The following MAP2 variants were observed in gnomAD, a reference collection of about 807,000 sequenced individuals.
MAP2 encodes microtubule-associated protein 2.
In MAP2, 14 loss-of-function variants were observed where a neutral mutation model predicts 137.6. The ratio of observed to expected loss-of-function variants is 0.10; its 90% CI spans 0.07 to 0.16. The LOEUF is 0.16. MAP2 is among the 10% of genes least tolerant of loss of function. The pLI, the probability that MAP2 is intolerant of heterozygous loss-of-function variation, is 1.00. For synonymous variants in MAP2, 786 were observed against 782.3 expected, an observed-to-expected ratio of 1.00 and a Z score of -0.08; for missense variants, 2,088 against 2,191.5, an observed-to-expected ratio of 0.95 and a Z score of 0.94.
intron 3 of MAP2, among the ~76,000 whole-genome samples, chr2:209,590,658 A>G (rs1343224250): frequency 6.6e-6 from 1 of 152,322 alleles, no homozygotes. Flanking sequence ...AATTTTAAAA[A>G]TTGAAAGTTG....
intron 4 of MAP2, among the ~76,000 whole-genome samples, chr2:209,641,891 G>A (rs1255191251): frequency 6.6e-6 from 1 of 152,048 alleles, no homozygotes; most frequent in African/African-American, 2.4e-5. Context: ...GTTTCATATG[G>A]TAGGTTGTTA....
chr2:209,435,930 T>A (rs1297901565), intron 1 of MAP2, among the ~76,000 whole-genome samples: 1 of 75,960 alleles, frequency 1.3e-5, no homozygotes, highest in African/African-American at 3.3e-5. Context: ...ATATATATAT[T>A]ATATATATAA....
chr2:209,692,356 GA>G (rs1016346887), intron 7 of MAP2, among the ~76,000 whole-genome samples: 2 of 135,232 alleles, frequency 1.5e-5, no homozygotes, highest in Non-Finnish European at 1.6e-5. Flanking sequence ...AAAAAACAAA[GA>G]AAAAAAGAGA....
At chr2:209,714,330 T>C (rs866341754) in intron 13 of MAP2, among the ~76,000 whole-genome samples, 4 of 151,794 alleles carry the variant, frequency 2.6e-5, no homozygotes, top group Middle Eastern at 3.4e-3. Context: ...GATAGTCAGT[T>C]AGAGCATAAT....
chr2:209,427,000 T>C (rs907258389), intron 1 of MAP2, among the ~76,000 whole-genome samples: 2 of 152,250 alleles, frequency 1.3e-5, no homozygotes, highest in Non-Finnish European at 2.9e-5. Flanking sequence ...CTGGACATGC[T>C]ATTAACAAAT....
At chr2:209,663,399 G>A (rs986079441) in intron 5 of MAP2, among the ~76,000 whole-genome samples, 4 of 152,232 alleles carry the variant, frequency 2.6e-5, no homozygotes, top group African/African-American at 9.6e-5. Flanking sequence ...GTGTCCTGCC[G>A]GCTCACTGTG....
chr2:209,459,900 A>G (rs915501125), intron 1 of MAP2, among the ~76,000 whole-genome samples: 1 of 152,136 alleles, frequency 6.6e-6, no homozygotes, highest in Non-Finnish European at 1.5e-5. Context: ...TCTCAGGCCC[A>G]TGGAGAGTCT....
intron 4 of MAP2, among the ~76,000 whole-genome samples, chr2:209,649,272 C>T (rs868365190): frequency 1.3e-5 from 2 of 152,108 alleles, no homozygotes; most frequent in South Asian, 2.1e-4. Flanking sequence ...CCACCTCGAC[C>T]TCCCAAAGTG....
intron 4 of MAP2, among the ~76,000 whole-genome samples, chr2:209,630,582 T>A (rs2092894541): frequency 6.6e-6 from 1 of 152,122 alleles, no homozygotes. Context: ...TCAAAAGCTA[T>A]TAAAAATCTC....
At chr2:209,536,953 G>A (rs185735565) in intron 2 of MAP2, among the ~76,000 whole-genome samples, 4 of 152,178 alleles carry the variant, frequency 2.6e-5, no homozygotes, top group Non-Finnish European at 5.9e-5. Context: ...ATACTGTAAG[G>A]ATAGCTCACA....
intron 5 of MAP2, among the ~76,000 whole-genome samples, chr2:209,672,558 A>G (rs568798163): frequency 1.3e-5 from 2 of 152,020 alleles, no homozygotes; most frequent in Non-Finnish European, 2.9e-5. Context: ...TTACTTAACA[A>G]GGTCTTTTGG....
intron 5 of MAP2, among the ~76,000 whole-genome samples, chr2:209,654,790 G>A (rs1348220490): frequency 6.6e-6 from 1 of 152,076 alleles, no homozygotes; most frequent in Admixed American, 6.6e-5. Flanking sequence ...TTTCATCATC[G>A]TATCTTGCAG....
At chr2:209,690,015 G>A (rs930736498) in intron 7 of MAP2, among the ~76,000 whole-genome samples, 1 of 152,100 alleles carries the variant, frequency 6.6e-6, no homozygotes, top group African/African-American at 2.4e-5. Flanking sequence ...AAATTTGGTG[G>A]ACTTTGTGAT....
At chr2:209,604,917 A>G (rs899079585) in intron 3 of MAP2, among the ~76,000 whole-genome samples, 5 of 152,192 alleles carry the variant, frequency 3.3e-5, no homozygotes, top group African/African-American at 4.8e-5. Context: ...TAAAAATGCT[A>G]AAAACTTTAG....
chr2:209,651,812 A>G lies in MAP2; in HGVS notation c.-29-1330A>G, dbSNP rs934629923. ...CTAGCTCTTCCTGCTATGAACAGAA[A>G]ATAGAGAGAGCGGAGGATAGCAACA... On this transcript the variant is annotated intron_variant, in intron 4 of 15. Coordinates refer to ENST00000682079, the MANE Select transcript of MAP2 (RefSeq NM_001375505.1). 3.3e-5 allele frequency among the ~76,000 whole-genome samples: 5 copies of G among 152,336 alleles called. No homozygotes were observed. The East Asian group carries it at 9.6e-4, about 29-fold the overall frequency.
chr2:209,480,073 T>C (rs371946860), intron 1 of MAP2, among the ~76,000 whole-genome samples: 2 of 152,276 alleles, frequency 1.3e-5, no homozygotes, highest in East Asian at 3.9e-4. Flanking sequence ...CCTAATAATG[T>C]ACATACTCAA....
At chr2:209,647,213 A>C (rs2094475448) in intron 4 of MAP2, among the ~76,000 whole-genome samples, 1 of 152,074 alleles carries the variant, frequency 6.6e-6, no homozygotes, top group South Asian at 2.1e-4. Flanking sequence ...AGAAAACCAC[A>C]CCACGATCCA....
chr2:209,518,713 T>C (rs1290319107), intron 2 of MAP2, among the ~76,000 whole-genome samples: 3 of 152,034 alleles, frequency 2.0e-5, no homozygotes, highest in Admixed American at 1.3e-4. Flanking sequence ...ACAGAATAGT[T>C]ACATAGATAT....
intron 2 of MAP2, among the ~76,000 whole-genome samples, chr2:209,547,335 A>T (rs113241638): frequency 0.028 from 4,076 of 147,804 alleles, 186 homozygotes; most frequent in African/African-American, 0.1. Flanking sequence ...TTTTTTTTTT[A>T]AATATGTTTG....
Sources: allele counts gnomAD v4.1 joint callset (sites outside exome capture counted in the v4.1 genomes callset), GRCh38; gene constraint gnomAD v4.1.1; transcripts MANE v1.5; gene names NCBI Gene and HGNC (gene_info 2026-07-23, HGNC 2026-07-21).